The following KLHL32 variants were observed in gnomAD, a reference collection of about 807,000 sequenced individuals.
KLHL32 encodes the protein kelch-like protein 32.
A neutral mutation model predicts 64.8 loss-of-function variants in KLHL32; 35 were observed. The ratio of observed to expected loss-of-function variants is 0.54; its 90% CI spans 0.41 to 0.72. The LOEUF is 0.72. Among genes scored for constraint, KLHL32 ranks in the 30% least tolerant of loss-of-function variants. KLHL32 has a pLI of 0.00. For missense variants in KLHL32, 589 were observed against 768.5 expected, an observed-to-expected ratio of 0.77 and a Z score of 2.76; for synonymous variants, 259 against 281.0, an observed-to-expected ratio of 0.92 and a Z score of 0.78.
chr6:97,120,610 A>G (rs1021052241), intron 7 of KLHL32, among the ~76,000 whole-genome samples: 2 of 152,216 alleles, frequency 1.3e-5, no homozygotes, highest in African/African-American at 2.4e-5. Context: ...TCAGCAAGCT[A>G]GGATCTCAGT....
intron 3 of KLHL32, among the ~76,000 whole-genome samples, chr6:97,004,713 T>C (rs1215371969): frequency 6.6e-6 from 1 of 152,218 alleles, no homozygotes; most frequent in Non-Finnish European, 1.5e-5. Context: ...AAAAGCCTTT[T>C]CTGCATCTAT....
intron 6 of KLHL32, among the ~76,000 whole-genome samples, chr6:97,112,386 T>TA (rs1797254968): frequency 6.6e-6 from 1 of 152,124 alleles, no homozygotes; most frequent in East Asian, 1.9e-4. Context: ...ACTTAACTAT[T>TA]AAGTCACACT....
intron 3 of KLHL32, among the ~76,000 whole-genome samples, chr6:96,998,609 A>C (rs1429326762): frequency 6.6e-6 from 1 of 152,196 alleles, no homozygotes; most frequent in East Asian, 1.9e-4. Flanking sequence ...ATTAAATATC[A>C]TGATGTTCAA....
At chr6:97,038,910 G>T (rs1233609689) in intron 3 of KLHL32, among the ~76,000 whole-genome samples, 1 of 151,524 alleles carries the variant, frequency 6.6e-6, no homozygotes, top group Non-Finnish European at 1.5e-5. Flanking sequence ...GGCCAACATG[G>T]TGAAACCCCG....
chr6:96,935,347 C>T (rs1263781655), intron 1 of KLHL32, among the ~76,000 whole-genome samples: 5 of 152,168 alleles, frequency 3.3e-5, no homozygotes, highest in Admixed American at 3.3e-4. Flanking sequence ...AAGAAAAAGT[C>T]TTTTGACCTG....
intron 6 of KLHL32, among the ~76,000 whole-genome samples, chr6:97,090,642 G>A (rs1440705511): frequency 6.6e-6 from 1 of 152,182 alleles, no homozygotes; most frequent in African/African-American, 2.4e-5. Flanking sequence ...GAAGAAGCAA[G>A]GAATTTAAAT....
intron 3 of KLHL32, among the ~76,000 whole-genome samples, chr6:96,981,320 C>A (rs1312394247): frequency 1.3e-5 from 2 of 152,036 alleles, no homozygotes; most frequent in African/African-American, 4.8e-5. Flanking sequence ...TTATCCATTT[C>A]TACTAAATTA....
At chr6:97,065,760 TA>T (rs1314816916) in intron 5 of KLHL32, among the ~76,000 whole-genome samples, 1 of 152,212 alleles carries the variant, frequency 6.6e-6, no homozygotes, top group Non-Finnish European at 1.5e-5. Flanking sequence ...TTTAAATGTA[TA>T]CTTTTATCAT....
chr6:96,899,546 C>T, the KLHL32 span, among the ~76,000 whole-genome samples: 5 of 152,212 alleles, frequency 3.3e-5, no homozygotes, highest in African/African-American at 1.2e-4. Flanking sequence ...TGAATTCACA[C>T]ATTCCAATAG....
chr6:96,928,675 C>T (rs1582362245), intron 1 of KLHL32, among the ~76,000 whole-genome samples: 1 of 152,114 alleles, frequency 6.6e-6, no homozygotes, highest in African/African-American at 2.4e-5. Flanking sequence ...TATATAATTT[C>T]CTCTCATGAT....
At chr6:97,069,100 C>CAA (rs1184147952) in intron 5 of KLHL32, among the ~76,000 whole-genome samples, 2 of 152,132 alleles carry the variant, frequency 1.3e-5, no homozygotes, top group Non-Finnish European at 2.9e-5. Flanking sequence ...AGATTGAAGG[C>CAA]ATTGTTCTGT....
At chr6:96,965,146 T>C (rs533963444) in intron 1 of KLHL32, among the ~76,000 whole-genome samples, 3 of 152,366 alleles carry the variant, frequency 2.0e-5, no homozygotes, top group East Asian at 3.9e-4. Flanking sequence ...GGCCTGCAGT[T>C]GCATCCATAT....
chr6:97,040,178 A>G (rs534918696), intron 3 of KLHL32, among the ~76,000 whole-genome samples: 29 of 152,268 alleles, frequency 1.9e-4, no homozygotes, highest in African/African-American at 6.7e-4. Flanking sequence ...TTATGACTAT[A>G]AAGTTAGCTA....
At chr6:96,957,553 C>A (rs2128020095) in intron 1 of KLHL32, among the ~76,000 whole-genome samples, 1 of 152,096 alleles carries the variant, frequency 6.6e-6, no homozygotes, top group African/African-American at 2.4e-5. Flanking sequence ...TTAAGAAATT[C>A]CTTAATAAAA....
intron 5 of KLHL32, among the ~76,000 whole-genome samples, chr6:97,074,819 A>G (rs1791337885): frequency 6.6e-6 from 1 of 151,550 alleles, no homozygotes; most frequent in African/African-American, 2.4e-5. Flanking sequence ...TTGAAATTTT[A>G]GTTTTAAAAC....
chr6:96,997,924 T>G (rs1778592161), intron 3 of KLHL32, among the ~76,000 whole-genome samples: 1 of 152,228 alleles, frequency 6.6e-6, no homozygotes. Context: ...TGGATTCATG[T>G]TGTTTCCTAT....
chr6:96,950,340 G>A (rs1361632029), intron 1 of KLHL32, among the ~76,000 whole-genome samples: 3 of 152,006 alleles, frequency 2.0e-5, no homozygotes, highest in Non-Finnish European at 4.4e-5. Context: ...AGTGGGATGT[G>A]ATCCCTGCCC....
chr6:97,047,632 G>A (rs1786134583), intron 4 of KLHL32, among the ~76,000 whole-genome samples: 2 of 152,174 alleles, frequency 1.3e-5, no homozygotes, highest in South Asian at 4.1e-4. Flanking sequence ...GTTTTTTCAT[G>A]TTTCAGACCA....
intron 5 of KLHL32, among the ~76,000 whole-genome samples, chr6:97,081,006 T>C (rs1053792707): frequency 3.3e-5 from 5 of 152,216 alleles, no homozygotes; most frequent in African/African-American, 1.2e-4. Flanking sequence ...CATCCTGTTT[T>C]AAAATGTAGA....
Sources: allele counts gnomAD v4.1 joint callset (sites outside exome capture counted in the v4.1 genomes callset), GRCh38; gene constraint gnomAD v4.1.1; transcripts MANE v1.5; gene names NCBI Gene and HGNC (gene_info 2026-07-23, HGNC 2026-07-21).